STK4: variants seen among roughly 807,000 people sequenced by gnomAD.
The protein encoded by STK4 is serine/threonine kinase 4.
Under a neutral mutation model 64.9 loss-of-function variants are expected in STK4, and 30 were observed. The observed-to-expected ratio is 0.46, with a 90% CI of 0.35 to 0.63. The LOEUF (loss-of-function observed/expected upper bound fraction) is 0.63, where lower values mean the gene tolerates loss of function less well. STK4 is among the 20% of genes least tolerant of loss of function. STK4 has a pLI of 0.01. For missense variants in STK4, 466 were observed against 598.5 expected (o/e 0.78, Z 2.31); for synonymous variants, 177 against 199.0 (o/e 0.89, Z 0.93).
At chr20:45,053,777 A>T (rs1042820191) in intron 10 of STK4, among the ~76,000 whole-genome samples, 1 of 152,232 alleles carries the variant, frequency 6.6e-6, no homozygotes, top group African/African-American at 2.4e-5. Flanking sequence ...TATATTTCCA[A>T]CAAGAGGCAT....
At chr20:45,016,196 A>C (rs934164195) in intron 9 of STK4, among the ~76,000 whole-genome samples, 1 of 152,212 alleles carries the variant, frequency 6.6e-6, no homozygotes, top group Admixed American at 6.5e-5. Context: ...AAGATGATAC[A>C]TGTTTTGAGA....
chr20:45,050,850 CCTTA>C (rs1244970416), intron 10 of STK4, among the ~76,000 whole-genome samples: 1 of 151,696 alleles, frequency 6.6e-6, no homozygotes, highest in African/African-American at 2.4e-5. Context: ...AAATATTAAC[CCTTA>C]CTTTGTTTTA....
chr20:45,020,121 A>G (rs946078854), intron 9 of STK4, among the ~76,000 whole-genome samples: 1 of 152,236 alleles, frequency 6.6e-6, no homozygotes, highest in African/African-American at 2.4e-5. Flanking sequence ...GTTGGTTACT[A>G]GCTTAGAAAT....
Position 45,075,431 on chromosome 20 carries a change from G to A in STK4, c.*255G>A. The A allele has an allele frequency of 2.9e-6, 1 of 350,176 alleles. No homozygotes were observed. The highest frequency in any genetic ancestry group is 5.2e-6 in the Non-Finnish European group (1 of 191,230). 21.7% of individuals were successfully genotyped at this position (350,176 alleles called of 1,614,324 possible). A position where few individuals can be genotyped will look rare whatever the true frequency, so the allele number is the denominator to read the frequency against. ...TTTTAACTCAGAGTTTTAAACCCCA[G>A]GAACAGAGACTCCTAGTTGAGTGAT... On this transcript the variant is annotated 3_prime_UTR_variant, in exon 11 of 11. Transcript: ENST00000372806.
intron 10 of STK4, among the ~76,000 whole-genome samples, chr20:45,051,995 A>C (rs2068783946): frequency 6.6e-6 from 1 of 152,218 alleles, no homozygotes; most frequent in South Asian, 2.1e-4. Context: ...TCCCAAATCC[A>C]AAAATCCAAA....
At chr20:44,988,634 A>T (rs1352624658) in intron 5 of STK4, among the ~76,000 whole-genome samples, 1 of 145,990 alleles carries the variant, frequency 6.8e-6, no homozygotes, top group Non-Finnish European at 1.5e-5. Flanking sequence ...CAGTGTTCTT[A>T]TTGCTATAAT....
At position 44,987,113 on chromosome 20, in the gene STK4, C is replaced by T. The variant is rs1286462260; in HGVS notation, c.361-19C>T. On this transcript the variant is annotated intron_variant, in intron 4 of 10. Coordinates refer to ENST00000372806, the MANE Select transcript of STK4 (RefSeq NM_006282.5). ...CTGATGTAAACTGATAGAATTTGAA[C>T]TTCTTATTCTTTTTTCAGTTAACAG... The T allele has an allele frequency of 2.6e-6, 4 of 1,550,692 alleles. No individual in the cohort carries two copies. Among genetic ancestry groups the T allele is most frequent in the African/African-American group, 2.8e-5 (2 of 71,386 alleles).
intron 4 of STK4, 144 bp from the exon 5 acceptor site, chr20:44,986,988 A>G (rs938055393): frequency 1.0e-4 from 62 of 604,944 alleles, no homozygotes; most frequent in Non-Finnish European, 6.1e-5. Flanking sequence ...TGGTCAGTGT[A>G]TCTATGGTAT....
At position 45,078,794 on chromosome 20, in the gene STK4, C is replaced by G. The variant is rs1367293232; in HGVS notation, c.*3618C>G. The G allele has an allele frequency of 1.3e-5, 2 of 152,344 alleles. No individual in the cohort carries two copies. The highest frequency in any genetic ancestry group is 2.4e-5 in the African/African-American group (1 of 41,400). The allele number at this position is 152,344 out of a possible 1,614,324, so 9.4% of individuals were successfully genotyped here. On this transcript the variant is annotated 3_prime_UTR_variant, in exon 11 of 11. Transcript: ENST00000372806. ...GATCCAGGAAACATTTATTTAGCAC[C>G]TGCCAGATGCCAGAAATTTATACCA... is the stretch of plus-strand genomic sequence containing the variant.
intron 1 of STK4, among the ~76,000 whole-genome samples, chr20:44,969,518 T>C (rs1269307319): frequency 8.6e-6 from 1 of 115,936 alleles, no homozygotes; most frequent in Non-Finnish European, 1.9e-5. Context: ...TGTGTGTGTG[T>C]GATTAAGTGA....
At chr20:45,055,749 C>G (rs1281907129) in intron 10 of STK4, among the ~76,000 whole-genome samples, 1 of 150,292 alleles carries the variant, frequency 6.7e-6, no homozygotes, top group African/African-American at 2.5e-5. Context: ...TTCTTTTTCC[C>G]CGAGACGGAG....
chr20:45,006,700 A>G (rs1003613923), intron 9 of STK4, among the ~76,000 whole-genome samples: 1 of 152,132 alleles, frequency 6.6e-6, no homozygotes, highest in Non-Finnish European at 1.5e-5. Flanking sequence ...TCAGTTCCAC[A>G]TTGGACTTGT....
chr20:45,001,463 CA>C, intron 9 of STK4, 110 bp downstream of exon 9: 1 of 1,302,270 alleles, frequency 7.7e-7, no homozygotes, highest in Non-Finnish European at 1.0e-6. Context: ...TCTTTTGTCA[CA>C]ACCAAAGGAG....
At chr20:44,967,579 T>A (rs2067173339) in intron 1 of STK4, among the ~76,000 whole-genome samples, 1 of 152,200 alleles carries the variant, frequency 6.6e-6, no homozygotes, top group South Asian at 2.1e-4. Flanking sequence ...GAGTCATGCT[T>A]CTCTGAGGTT....
In STK4 at chr20:44,966,587, A is replaced by G; in HGVS notation, c.19A>G (p.Arg7Gly). The G allele has an allele frequency of 7.9e-7, 1 of 1,273,732 alleles. No individual in the cohort carries two copies. The highest frequency in any genetic ancestry group is 1.0e-6 in the Non-Finnish European group (1 of 1,001,772). 78.9% of individuals were successfully genotyped at this position (1,273,732 alleles called of 1,614,324 possible). A position where few individuals can be genotyped will look rare whatever the true frequency, so the allele number is the denominator to read the frequency against. METVQL[R>G]NPPRRQLKKL... is the part of the protein sequence containing the mutation. ...CAGCGCCATGGAGACGGTACAGCTG[A>G]GGAACCCGCCGCGCCGGTGAGGGGC... The change falls in exon 1 of 11, where the codon AGG (arginine) becomes GGG (glycine). Residue 7 changes from arginine to glycine, a missense_variant. Physicochemically the swap from Arg to Gly is moderately radical, Grantham distance 125. Transcript: ENST00000372806.
At chr20:44,969,024 T>C (rs2067201579) in intron 1 of STK4, among the ~76,000 whole-genome samples, 1 of 151,988 alleles carries the variant, frequency 6.6e-6, no homozygotes, top group Non-Finnish European at 1.5e-5. Flanking sequence ...CATCTCCCTG[T>C]GTCTCCATGT....
chr20:45,017,629 T>C (rs1046048481), intron 9 of STK4, among the ~76,000 whole-genome samples: 4 of 152,164 alleles, frequency 2.6e-5, no homozygotes, highest in African/African-American at 9.7e-5. Context: ...TGAAGACACT[T>C]TGACTAGGAA....
chr20:44,985,204 CTT>C (rs1432767157), intron 4 of STK4, among the ~76,000 whole-genome samples: 1 of 152,140 alleles, frequency 6.6e-6, no homozygotes, highest in Admixed American at 6.5e-5. Context: ...AATGACTTAA[CTT>C]GTCTGTGCCC....
intron 10 of STK4, among the ~76,000 whole-genome samples, chr20:45,035,169 A>C (rs1397912119): frequency 6.6e-6 from 1 of 152,186 alleles, no homozygotes. Flanking sequence ...ATATGCACAC[A>C]TACAGCTGCA....
Sources: allele counts gnomAD v4.1 joint callset (sites outside exome capture counted in the v4.1 genomes callset), GRCh38; gene constraint gnomAD v4.1.1; transcripts MANE v1.5; gene names NCBI Gene and HGNC (gene_info 2026-07-23, HGNC 2026-07-21).